CD101: variants seen among roughly 807,000 people sequenced by gnomAD.
CD101 encodes the protein CD101 molecule.
In CD101, 76 loss-of-function variants were observed where a neutral mutation model predicts 98.2. The observed-to-expected ratio is 0.77, with a 90% confidence interval of 0.64 to 0.94. The LOEUF is 0.94. Among genes scored for constraint, CD101 ranks in the 40% least tolerant of loss-of-function variants. CD101 has a pLI of 0.00. For synonymous variants in CD101, 471 were observed against 472.7 expected, an observed-to-expected ratio of 1.00 and a Z score of 0.05; for missense variants, 1,145 against 1,218.8, an observed-to-expected ratio of 0.94 and a Z score of 0.90.
rs1203708074 is a variant in CD101, at chr1:117,033,800, A to C, written c.2825-60A>C. ...AACAATAAATCCCAGGAGTGTTTGTAATTGACTAGTACAAATAAGTTGGAG... is the reference window on the plus strand; with the variant it reads ...AACAATAAATCCCAGGAGTGTTTGTCATTGACTAGTACAAATAAGTTGGAG... On this transcript the variant is annotated intron_variant, in intron 8 of 9. Coordinates refer to ENST00000682167, the MANE Select transcript of CD101 (RefSeq NM_001256106.3). The surrounding 1 kb of genome is among the most constrained non-coding windows in gnomAD (Gnocchi z 4.8). The C allele has an allele frequency of 1.2e-6, 2 of 1,604,686 alleles. No individual in the cohort carries two copies. Among genetic ancestry groups the C allele is most frequent in the African/African-American group, 2.7e-5 (2 of 74,564 alleles).
intron 4 of CD101, 45 bp downstream of exon 4, chr1:117,013,837 GC>G (rs1414192344): frequency 1.9e-6 from 3 of 1,548,564 alleles, no homozygotes; most frequent in African/African-American, 1.4e-5. Flanking sequence ...GCTTTCAGAT[GC>G]CCCCTTGTCA....
intron 1 of CD101, among the ~76,000 whole-genome samples, chr1:117,003,467 T>C (rs2101108612): frequency 6.6e-6 from 1 of 152,304 alleles, no homozygotes; most frequent in East Asian, 1.9e-4. Flanking sequence ...CGGGTGTTGA[T>C]GGATAGGTGC....
intron 8 of CD101, among the ~76,000 whole-genome samples, chr1:117,028,352 C>G (rs577814944): frequency 6.6e-6 from 1 of 152,112 alleles, no homozygotes; most frequent in African/African-American, 2.4e-5. Context: ...TGGACTCTAG[C>G]TTAGATGGAT....
chr1:117,013,668 C>A lies in CD101; in HGVS notation c.1104C>A (p.Gly368=). 6.2e-7 allele frequency: 1 copy of A among 1,614,102 alleles called. No individual in the cohort carries two copies. Among genetic ancestry groups the A allele is most frequent in the South Asian group, 1.1e-5 (1 of 91,078 alleles). The change falls in exon 4 of 10, where the codon GGC becomes GGA. Residue 368 remains glycine, a synonymous_variant. Transcript: ENST00000682167. ...TCTCTCTCAAGATCTTCTCTCTGGG[C>A]CCAGAGGATGAAGGCGCCTACAGAT... is the stretch of plus-strand genomic sequence containing the variant. ...KAFSLKIFSL[G]PEDEGAYRCV... is the part of the protein sequence containing the mutation.
At chr1:117,029,314 G>GAAGA (rs200543553) in intron 8 of CD101, among the ~76,000 whole-genome samples, 6 of 149,022 alleles carry the variant, frequency 4.0e-5, no homozygotes, top group African/African-American at 1.3e-4. Context: ...AAGAAAGAAA[G>GAAGA]AAGAAAGAAA....
chr1:117,014,672 A>C (rs892165424), intron 4 of CD101, among the ~76,000 whole-genome samples: 7 of 152,210 alleles, frequency 4.6e-5, no homozygotes, highest in African/African-American at 9.7e-5. Flanking sequence ...TTAATTGCCC[A>C]AAAAAAATTT....
intron 6 of CD101, among the ~76,000 whole-genome samples, chr1:117,020,718 C>A (rs1653527812): frequency 6.6e-6 from 1 of 152,212 alleles, no homozygotes; most frequent in Admixed American, 6.5e-5. Context: ...TCTGTCCCTG[C>A]ACTTGTCTCC....
Position 117,033,157 on chromosome 1 carries a change from C to T in CD101, c.2825-703C>T. ...AACGGGATGGAAGAGAAGAACTGTG[C>T]CTGCAGCAAGGTAGGAAGAGCTGAG... On this transcript the variant is annotated intron_variant, in intron 8 of 9. Transcript: ENST00000682167. The surrounding 1 kb of genome is among the most constrained non-coding windows in gnomAD (Gnocchi z 4.8). The T allele has an allele frequency of 6.5e-6, 1 of 153,158 alleles. No individual in the cohort carries two copies. The highest frequency in any genetic ancestry group is 1.5e-5 in the Non-Finnish European group (1 of 68,720). 9.5% of individuals were successfully genotyped at this position (153,158 alleles called of 1,614,324 possible).
intron 1 of CD101, among the ~76,000 whole-genome samples, 196 bp from the exon 2 acceptor site, chr1:117,009,654 T>C (rs1652755851): frequency 6.6e-6 from 1 of 152,218 alleles, no homozygotes; most frequent in Admixed American, 6.5e-5. Flanking sequence ...GTTAAAGTTA[T>C]AAAAGAACAA....
At chr1:117,001,965 C>T in intron 1 of CD101, 105 bp downstream of exon 1, 1 of 1,035,794 alleles carries the variant, frequency 9.7e-7, no homozygotes, top group South Asian at 1.4e-5. Flanking sequence ...ACAACTATGC[C>T]ATATATTTCT....
At chr1:117,032,420 C>T (rs1033738638) in intron 8 of CD101, 2 of 152,268 alleles carry the variant, frequency 1.3e-5, no homozygotes, top group Middle Eastern at 3.4e-3. Context: ...AGGAGGTGAG[C>T]GAATGTCTAG....
chr1:117,003,746 A>G (rs1052594941), intron 1 of CD101, among the ~76,000 whole-genome samples: 1 of 152,198 alleles, frequency 6.6e-6, no homozygotes. Flanking sequence ...CATTTAAACA[A>G]TTACCTAAAC....
intron 6 of CD101, among the ~76,000 whole-genome samples, chr1:117,020,649 CTG>C (rs1249605513): frequency 6.6e-6 from 1 of 152,228 alleles, no homozygotes; most frequent in African/African-American, 2.4e-5. Context: ...GCAAATATCA[CTG>C]TGCTGTGGTA....
intron 8 of CD101, among the ~76,000 whole-genome samples, chr1:117,029,153 AAG>A (rs1654168985): frequency 9.8e-6 from 1 of 101,610 alleles, no homozygotes; most frequent in South Asian, 3.0e-4. Context: ...GAAAGAAAGA[AAG>A]AAAGAAAGAA....
At chr1:117,013,254 GT>G in intron 3 of CD101, 151 bp from the exon 4 acceptor site, 67 of 842,082 alleles carry the variant, frequency 8.0e-5, no homozygotes, top group South Asian at 1.5e-4. Flanking sequence ...TAAGGATTTT[GT>G]TTTTTTTGGG....
intron 8 of CD101, among the ~76,000 whole-genome samples, chr1:117,029,743 A>C (rs1267025614): frequency 6.6e-6 from 1 of 152,206 alleles, no homozygotes; most frequent in East Asian, 1.9e-4. Context: ...CACTTAACAG[A>C]TGGTTTTCCA....
chr1:117,034,045 G>T lies in CD101; in HGVS notation c.3010G>T (p.Ala1004Ser), dbSNP rs777850361. ...AGCTCTCTGGGTGGACTTGAAAGAG[G>T]CTGGAGGTGTGACCACAAATAGGAG... Reference protein sequence around the residue: ...EKALWVDLKEAGGVTTNRRED... With the variant: ...EKALWVDLKESGGVTTNRRED... Residue 1004 changes from alanine to serine, a missense_variant, in exon 9 of 10, where the codon GCT becomes TCT. By Grantham distance (99) the Ala-to-Ser change is moderately conservative. Coordinates refer to ENST00000682167, the MANE Select transcript of CD101 (RefSeq NM_001256106.3). 33 of 1,614,154 alleles carry T rather than the reference G, an allele frequency of 2.0e-5. No homozygotes were observed. In the South Asian group the frequency reaches 3.6e-4, roughly 18 times the overall value.
intron 7 of CD101, 109 bp from the exon 8 acceptor site, chr1:117,025,400 C>G (rs1386312300): frequency 3.4e-6 from 3 of 891,430 alleles, no homozygotes; most frequent in Non-Finnish European, 3.3e-6. Context: ...AATGAATGCA[C>G]TGATGTCTAA....
intron 4 of CD101, among the ~76,000 whole-genome samples, chr1:117,014,353 T>G (rs1469312653): frequency 1.3e-5 from 2 of 152,242 alleles, no homozygotes; most frequent in Admixed American, 6.5e-5. Flanking sequence ...TCTCCTACTA[T>G]GTTGACCTGG....
Sources: allele counts gnomAD v4.1 joint callset (sites outside exome capture counted in the v4.1 genomes callset), GRCh38; gene constraint gnomAD v4.1.1; non-coding constraint Gnocchi (gnomAD v3.1); transcripts MANE v1.5; gene names NCBI Gene and HGNC (gene_info 2026-07-23, HGNC 2026-07-21).